Variants in ZMYM2 observed in about 807,000 individuals in gnomAD.
ZMYM2 encodes the protein zinc finger MYM-type protein 2.
In ZMYM2, 56 loss-of-function variants were observed where a neutral mutation model predicts 162.8. The observed-to-expected ratio is 0.34, with a 90% confidence interval of 0.28 to 0.43. The LOEUF (loss-of-function observed/expected upper bound fraction) is 0.43, where lower values mean the gene tolerates loss of function less well. ZMYM2 is among the 20% of genes least tolerant of loss of function. The pLI is 1.00. For missense variants in ZMYM2, 1,275 were observed against 1,621.8 expected (o/e 0.79, Z 3.67); for synonymous variants, 510 against 541.6 (o/e 0.94, Z 0.81).
chr13:19,993,041 CT>C (rs768412792), intron 2 of ZMYM2, 21 bp from the exon 3 acceptor site: 2 of 1,539,210 alleles, frequency 1.3e-6, no homozygotes, highest in South Asian at 2.6e-5. Flanking sequence ...CATTTTAATT[CT>C]TTTTTCTATC....
chr13:19,864,283 C>T, the ZMYM2 span: 2,797 of 155,060 alleles, frequency 0.018, 80 homozygotes, highest in African/African-American at 0.063. Context: ...GGGAATAGTC[C>T]CCCACCTCCC....
chr13:20,032,228 C>G (rs1953230419), intron 10 of ZMYM2, among the ~76,000 whole-genome samples: 1 of 152,150 alleles, frequency 6.6e-6, no homozygotes. Flanking sequence ...AGTTTATTTT[C>G]TTTTCCCTTT....
At chr13:20,058,980 A>T (rs1384776316) in intron 15 of ZMYM2, 36 of 502,488 alleles carry the variant, frequency 7.2e-5, no homozygotes, top group Non-Finnish European at 1.2e-4. Flanking sequence ...AGACTACTAA[A>T]ATTATAATGC....
intron 14 of ZMYM2, 71 bp from the exon 15 acceptor site, chr13:20,058,504 C>T (rs551632789): frequency 1.3e-6 from 2 of 1,524,466 alleles, no homozygotes; most frequent in East Asian, 2.3e-5. Context: ...GACTGAAAAT[C>T]CTTCATTGAC....
the ZMYM2 span, among the ~76,000 whole-genome samples, chr13:19,893,813 T>C: frequency 6.6e-6 from 1 of 151,804 alleles, no homozygotes; most frequent in African/African-American, 2.4e-5. Flanking sequence ...TCTATGCTAA[T>C]GGATACACAA....
intron 15 of ZMYM2, 34 bp downstream of exon 15, chr13:20,058,738 C>G (rs201599032): frequency 3.4e-5 from 55 of 1,608,808 alleles, no homozygotes; most frequent in East Asian, 4.5e-5. Flanking sequence ...CATACTTCCC[C>G]ATACCTTCAT....
chr13:20,067,263 A>T lies in ZMYM2; in HGVS notation c.3326A>T (p.Asp1109Val). 6.4e-7 allele frequency: 1 copy of T among 1,565,836 alleles called. No individual in the cohort carries two copies. Among genetic ancestry groups the T allele is most frequent in the Non-Finnish European group, 8.7e-7 (1 of 1,154,316 alleles). Residue 1109 changes from aspartate to valine, a missense_variant, in exon 21 of 25, where the codon GAT (aspartate) becomes GTT (valine). Around this residue, in one of 10 missense-constraint regions of ZMYM2, gnomAD observed 229 missense variants for 283.8 expected, o/e 0.81. Coordinates refer to ENST00000610343, the MANE Select transcript of ZMYM2 (RefSeq NM_197968.4). ...KSSKSVKLKEDLLSHTTAELN... is the reference protein window; with the variant it reads ...KSSKSVKLKEVLLSHTTAELN... ...GCTAAATCAGTAAAGTTAAAAGAGGATCTACTCTCTCACACCACAGCTGAG... is the reference window on the plus strand; with the variant it reads ...GCTAAATCAGTAAAGTTAAAAGAGGTTCTACTCTCTCACACCACAGCTGAG...
rs201166010 is a variant in ZMYM2, at chr13:20,059,683, A to AT, written c.2739+132dup. ...CTCCATGCATCCACATATGTGGATG[A>AT]TTTTTTTTTTTCCCCAATAAATATG... On this transcript the variant is annotated intron_variant, in intron 16 of 24. Coordinates refer to ENST00000610343, the MANE Select transcript of ZMYM2 (RefSeq NM_197968.4). The AT allele has an allele frequency of 9.5e-4, 485 of 510,332 alleles. 1 individual carries two copies. Among genetic ancestry groups the AT allele is most frequent in the South Asian group, 2.7e-3 (140 of 52,378 alleles). The allele number at this position is 510,332 out of a possible 1,614,324, so 31.6% of individuals were successfully genotyped here. A position where few individuals can be genotyped will look rare whatever the true frequency, so the allele number is the denominator to read the frequency against.
chr13:19,932,746 G>GA, the ZMYM2 span, among the ~76,000 whole-genome samples: 1 of 152,104 alleles, frequency 6.6e-6, no homozygotes, highest in Non-Finnish European at 1.5e-5. Context: ...TACAAGTCAG[G>GA]AAAAGAGTTC....
the ZMYM2 span, among the ~76,000 whole-genome samples, chr13:19,878,519 T>TCCCC: frequency 8.5e-3 from 62 of 7,304 alleles, 1 homozygote; most frequent in African/African-American, 0.012. Flanking sequence ...CCTTTGCCCT[T>TCCCC]TTTTTTTTTT....
chr13:20,014,115 C>A (rs1951415968), intron 6 of ZMYM2, among the ~76,000 whole-genome samples: 1 of 152,056 alleles, frequency 6.6e-6, no homozygotes. Flanking sequence ...ACTGTGTCAC[C>A]CAGGCTGGAG....
intron 2 of ZMYM2, among the ~76,000 whole-genome samples, chr13:19,987,554 C>T (rs545414682): frequency 1.3e-5 from 2 of 150,956 alleles, no homozygotes; most frequent in South Asian, 4.2e-4. Context: ...TGAGGCACCG[C>T]ACCCGGGCGC....
intron 2 of ZMYM2, among the ~76,000 whole-genome samples, chr13:19,984,822 T>C (rs1032273274): frequency 2.0e-5 from 3 of 152,216 alleles, no homozygotes; most frequent in Admixed American, 2.0e-4. Context: ...GGGATCTAAC[T>C]GTGGTAAAGA....
intron 7 of ZMYM2, among the ~76,000 whole-genome samples, chr13:20,024,236 A>C (rs1442916195): frequency 6.6e-6 from 1 of 152,028 alleles, no homozygotes; most frequent in Non-Finnish European, 1.5e-5. Context: ...CCCGGCCTTC[A>C]TTCTCTTTAG....
At chr13:20,039,844 A>G (rs994596438) in intron 12 of ZMYM2, among the ~76,000 whole-genome samples, 70 of 152,270 alleles carry the variant, frequency 4.6e-4, no homozygotes, top group African/African-American at 1.5e-3. Context: ...TGAGATAATC[A>G]TGTGGTTTTT....
chr13:19,978,314 C>G (rs370245362), intron 2 of ZMYM2, among the ~76,000 whole-genome samples: 1 of 152,044 alleles, frequency 6.6e-6, no homozygotes, highest in Non-Finnish European at 1.5e-5. Context: ...TATACAAACA[C>G]TCTACTGCTG....
rs1329708598 is a variant in ZMYM2 at position 20,086,882 on chromosome 13, C to A, written c.*868C>A. ...TGAAAGTATAAAATTCTGTTTTCTTCTATGCCAGCCATAAGTATCTGAAAT... is the reference window on the plus strand; with the variant it reads ...TGAAAGTATAAAATTCTGTTTTCTTATATGCCAGCCATAAGTATCTGAAAT... On this transcript the variant is annotated 3_prime_UTR_variant, in exon 25 of 25. Coordinates refer to ENST00000610343, the MANE Select transcript of ZMYM2 (RefSeq NM_197968.4). 3 of 172,678 alleles carry A rather than the reference C, an allele frequency of 1.7e-5. No homozygotes were observed. The highest frequency in any genetic ancestry group is 3.7e-5 in the Non-Finnish European group (3 of 80,414). 10.7% of individuals were successfully genotyped at this position (172,678 alleles called of 1,614,324 possible). A position where few individuals can be genotyped will look rare whatever the true frequency, so the allele number is the denominator to read the frequency against.
rs145312126 is a variant in ZMYM2, at chr13:20,001,777, A to G, written c.848-1073A>G. On this transcript the variant is annotated intron_variant, in intron 3 of 24. Transcript: ENST00000610343. ...TCGTGATCAGTCAGCAGCTATCAGC[A>G]TTGAGGCAGGGCCCTCCACCAGCAG... 1.1e-3 allele frequency among the ~76,000 whole-genome samples: 173 copies of G among 152,378 alleles called. 1 individual carries two copies. The Middle Eastern group carries it at 0.017, about 15-fold the overall frequency.
chr13:19,984,734 A>G (rs929340713), intron 2 of ZMYM2, among the ~76,000 whole-genome samples: 3 of 152,218 alleles, frequency 2.0e-5, no homozygotes, highest in Non-Finnish European at 4.4e-5. Flanking sequence ...GAAGTGACCA[A>G]TATTATTTAC....
Sources: gnomAD v4.1 joint callset for allele counts (sites outside exome capture counted in the v4.1 genomes callset) on GRCh38, gnomAD v4.1.1 for gene constraint, gnomAD v4.1.1 regional missense constraint, MANE v1.5 for transcripts, NCBI Gene and HGNC (gene_info 2026-07-23, HGNC 2026-07-21) for gene names.